Variants in FAM91A1 observed in about 807,000 individuals in gnomAD.
FAM91A1 encodes the protein family with sequence similarity 91 member A1.
Under a neutral mutation model 113.5 loss-of-function variants are expected in FAM91A1, and 41 were observed. The ratio of observed to expected loss-of-function variants is 0.36; its 90% CI spans 0.28 to 0.47. FAM91A1 has a LOEUF of 0.47. Among genes scored for constraint, FAM91A1 ranks in the 20% least tolerant of loss-of-function variants. The pLI, the probability that FAM91A1 is intolerant of heterozygous loss-of-function variation, is 1.00. For synonymous variants in FAM91A1, 307 were observed against 347.9 expected, an observed-to-expected ratio of 0.88 and a Z score of 1.31; for missense variants, 696 against 1,001.2, an observed-to-expected ratio of 0.70 and a Z score of 4.11.
At chr8:123,784,908 A>G (rs542109047) in intron 9 of FAM91A1, 173 bp from the exon 10 acceptor site, 39 of 508,890 alleles carry the variant, frequency 7.7e-5, no homozygotes, top group African/African-American at 5.5e-4. Flanking sequence ...GATTTGTACT[A>G]TAAGGATCTT....
At position 123,806,205 on chromosome 8, in the gene FAM91A1, C is replaced by T. The variant is rs1815805657; in HGVS notation, c.2008C>T (p.Leu670Phe). 1 of 1,612,566 alleles carries T rather than the reference C, an allele frequency of 6.2e-7. No individual in the cohort carries two copies. The highest frequency in any genetic ancestry group is 1.3e-5 in the African/African-American group (1 of 74,868). ...NASSQLADRK[L>F]SDASDERGEP... is the part of the protein sequence containing the mutation. ...TTCCAGCCAACTTGCAGATAGAAAA[C>T]TCAGTGATGCTTCTGATGAGAGAGG... Residue 670 changes from leucine to phenylalanine, a missense_variant, in exon 20 of 24, where the codon CTC (leucine) becomes TTC (phenylalanine). Leu to Phe is a conservative substitution (Grantham distance 22). Transcript: ENST00000334705.
chr8:123,814,403 GTTATT>G lies in FAM91A1; in HGVS notation c.*1706_*1710del, dbSNP rs201572398. The stretch of plus-strand genomic sequence containing the variant: ...TTTAATTTCCTTTGTTTGAACTGTA[GTTATT>G]TTATTTATTCCTATATTAACCATCT... On this transcript the variant is annotated 3_prime_UTR_variant, in exon 24 of 24. Coordinates refer to ENST00000334705, the MANE Select transcript of FAM91A1 (RefSeq NM_144963.4). 1,346 of 199,792 alleles carry G rather than the reference GTTATT, an allele frequency of 6.7e-3. 22 individuals carry two copies. The highest frequency in any genetic ancestry group is 0.031 in the African/African-American group (1,281 of 41,614). The allele number at this position is 199,792 out of a possible 1,614,324, so 12.4% of individuals were successfully genotyped here. A position where few individuals can be genotyped will look rare whatever the true frequency, so the allele number is the denominator to read the frequency against.
At chr8:123,781,732 G>T (rs569801116) in intron 8 of FAM91A1, among the ~76,000 whole-genome samples, 1 of 152,106 alleles carries the variant, frequency 6.6e-6, no homozygotes, top group Non-Finnish European at 1.5e-5. Context: ...CAATCTGCCC[G>T]CCTCGGCCTC....
chr8:123,813,722 A>C lies in FAM91A1; in HGVS notation c.*1018A>C, dbSNP rs1355882945. ...TGGAATTACTTCAAAGTGTTTCTTG[A>C]GTCATTGATTCTTTTAGCATCTCAA... On this transcript the variant is annotated 3_prime_UTR_variant, in exon 24 of 24. Coordinates refer to ENST00000334705, the MANE Select transcript of FAM91A1 (RefSeq NM_144963.4). 6.6e-6 allele frequency: 1 copy of C among 152,336 alleles called. No individual in the cohort carries two copies. The highest frequency in any genetic ancestry group is 2.4e-5 in the African/African-American group (1 of 41,458). The allele number at this position is 152,336 out of a possible 1,614,324, so 9.4% of individuals were successfully genotyped here.
At chr8:123,806,547 T>A (rs918667248) in intron 20 of FAM91A1, among the ~76,000 whole-genome samples, 3 of 152,190 alleles carry the variant, frequency 2.0e-5, no homozygotes, top group African/African-American at 7.2e-5. Flanking sequence ...TACAAGTGTT[T>A]CCAAAATTGA....
intron 18 of FAM91A1, among the ~76,000 whole-genome samples, chr8:123,803,487 G>T (rs532098148): frequency 6.6e-6 from 1 of 151,944 alleles, no homozygotes; most frequent in Non-Finnish European, 1.5e-5. Flanking sequence ...ATTTTTTATA[G>T]AGACAGGGTT....
intron 18 of FAM91A1, 82 bp from the exon 19 acceptor site, chr8:123,805,185 G>T: frequency 9.0e-7 from 1 of 1,113,582 alleles, no homozygotes; most frequent in South Asian, 1.4e-5. Context: ...ACCATTACAT[G>T]ACACAATCTT....
At chr8:123,768,924 C>A in intron 1 of FAM91A1, 150 bp downstream of exon 1, 1 of 802,066 alleles carries the variant, frequency 1.2e-6, no homozygotes, top group Non-Finnish European at 2.0e-6. Context: ...ACCTTCAGCC[C>A]AGGGCGAGGA....
intron 8 of FAM91A1, 77 bp from the exon 9 acceptor site, chr8:123,784,393 T>A (rs1563639787): frequency 5.5e-6 from 6 of 1,088,620 alleles, no homozygotes; most frequent in African/African-American, 1.7e-5. Flanking sequence ...TTTCTTTTTT[T>A]AATTAGATAT....
intron 1 of FAM91A1, among the ~76,000 whole-genome samples, chr8:123,769,015 G>A (rs995780577): frequency 6.6e-6 from 1 of 152,202 alleles, no homozygotes; most frequent in Non-Finnish European, 1.5e-5. Flanking sequence ...CTCGACTGGC[G>A]CCTTTGCCCG....
chr8:123,807,398 C>T (rs1815837156), intron 20 of FAM91A1, among the ~76,000 whole-genome samples: 1 of 147,226 alleles, frequency 6.8e-6, no homozygotes, highest in Admixed American at 7.0e-5. Context: ...AATTCCAGTC[C>T]TCTGGGAGGC....
At chr8:123,801,490 G>A (rs74318534) in intron 18 of FAM91A1, among the ~76,000 whole-genome samples, 1,784 of 152,320 alleles carry the variant, frequency 0.012, 42 homozygotes, top group African/African-American at 0.04. Context: ...TAAAGATTTC[G>A]TCAGTTCATC....
chr8:123,803,617 T>A (rs763094793), intron 18 of FAM91A1, among the ~76,000 whole-genome samples: 6 of 152,224 alleles, frequency 3.9e-5, no homozygotes, highest in Admixed American at 6.5e-5. Context: ...GTACTGTTTT[T>A]AAAGTGTTTG....
intron 21 of FAM91A1, 85 bp downstream of exon 21, chr8:123,808,461 C>G (rs1815869379): frequency 1.9e-6 from 2 of 1,034,048 alleles, no homozygotes; most frequent in African/African-American, 1.6e-5. Context: ...TGCCATTTGT[C>G]TATTCTTATT....
At chr8:123,790,674 G>A (rs145172037) in intron 15 of FAM91A1, among the ~76,000 whole-genome samples, 4 of 152,282 alleles carry the variant, frequency 2.6e-5, no homozygotes, top group Admixed American at 2.6e-4. Context: ...AATTGAGGGA[G>A]GATTCAGCTG....
intron 13 of FAM91A1, 23 bp downstream of exon 13, chr8:123,787,396 T>C (rs1210016061): frequency 6.5e-7 from 1 of 1,531,990 alleles, no homozygotes; most frequent in Middle Eastern, 2.3e-4. Context: ...CTTGTTTAAA[T>C]ATGAAGGTGT....
At chr8:123,802,004 G>A (rs1815694823) in intron 18 of FAM91A1, among the ~76,000 whole-genome samples, 1 of 152,118 alleles carries the variant, frequency 6.6e-6, no homozygotes, top group Admixed American at 6.6e-5. Flanking sequence ...CAAGTCTGGA[G>A]AAGTAGGCTG....
chr8:123,781,808 A>G (rs915652418), intron 8 of FAM91A1, among the ~76,000 whole-genome samples: 1 of 152,212 alleles, frequency 6.6e-6, no homozygotes, highest in Non-Finnish European at 1.5e-5. Flanking sequence ...AAGCTTGGAA[A>G]GATACCTTAA....
chr8:123,777,971 A>G (rs1586370770), intron 4 of FAM91A1, 54 bp from the exon 5 acceptor site: 4 of 1,465,708 alleles, frequency 2.7e-6, no homozygotes, highest in Non-Finnish European at 3.8e-6. Context: ...TTGTGAACAT[A>G]TTGAGATTTC....
Sources: gnomAD v4.1 joint callset for allele counts (sites outside exome capture counted in the v4.1 genomes callset) on GRCh38, gnomAD v4.1.1 for gene constraint, MANE v1.5 for transcripts, NCBI Gene and HGNC (gene_info 2026-07-23, HGNC 2026-07-21) for gene names.